Variants in MELK observed in about 807,000 individuals in gnomAD.
MELK encodes the protein pEg3 kinase.
MELK carries 81 observed loss-of-function variants against 85.0 expected under a neutral mutation model. The ratio of observed to expected loss-of-function variants is 0.95; its 90% confidence interval spans 0.80 to 1.15. The LOEUF is 1.15. MELK is among the 50% of genes most tolerant of loss of function. MELK has a pLI of 0.00. For missense variants in MELK, 754 were observed against 777.5 expected (o/e 0.97, Z 0.36); for synonymous variants, 252 against 265.0 (o/e 0.95, Z 0.48).
rs528876742 is a variant in MELK, at chr9:36,631,942, A to G, written c.736-1160A>G. ...CTCCCAAAGTGCTGGGATTACAGGT[A>G]TGAGCCACGGCATCCCGCCTTTTCC... On this transcript the variant is annotated intron_variant, in intron 9 of 17. Transcript: ENST00000298048. Among the ~76,000 whole-genome samples the G allele has an allele frequency of 4.6e-5, 7 of 152,260 alleles. No homozygotes were observed. The East Asian group carries it at 1.2e-3, about 25-fold the overall frequency.
Position 36,643,006 on chromosome 9 carries a change from C to G in MELK, c.844C>G (p.Leu282Val). The change falls in exon 11 of 18, where the codon CTC (leucine) becomes GTC (valine). Residue 282 changes from leucine (L) to valine (V), a missense_variant. Transcript: ENST00000298048. ...EWQSKNPFIH[L>V]DDDCVTELSV... ...TAATTTTTTTTTGTAGTTTATTCACCTCGATGATGATTGCGTAACAGAACT... is the reference window on the plus strand; with the variant it reads ...TAATTTTTTTTTGTAGTTTATTCACGTCGATGATGATTGCGTAACAGAACT... 1 of 1,605,538 alleles carries G rather than the reference C, an allele frequency of 6.2e-7. No individual in the cohort carries two copies. Among genetic ancestry groups the G allele is most frequent in the African/African-American group, 1.3e-5 (1 of 74,474 alleles).
chr9:36,592,454 G>C (rs564127789), intron 4 of MELK, among the ~76,000 whole-genome samples: 1 of 152,218 alleles, frequency 6.6e-6, no homozygotes, highest in Admixed American at 6.5e-5. Flanking sequence ...CGGGATTACA[G>C]GAGTGAGCCA....
intron 11 of MELK, among the ~76,000 whole-genome samples, chr9:36,643,533 T>A (rs187821085): frequency 6.6e-6 from 1 of 152,190 alleles, no homozygotes; most frequent in African/African-American, 2.4e-5. Flanking sequence ...TTAAAAAATA[T>A]TTACATATGA....
At chr9:36,588,475 G>A (rs1302756960) in intron 3 of MELK, among the ~76,000 whole-genome samples, 2 of 149,764 alleles carry the variant, frequency 1.3e-5, no homozygotes, top group East Asian at 2.0e-4. Flanking sequence ...CACCTCCTGG[G>A]TTCAAGCAAT....
At chr9:36,676,171 ATTTT>A in intron 17 of MELK, among the ~76,000 whole-genome samples, 1 of 152,210 alleles carries the variant, frequency 6.6e-6, no homozygotes, top group Admixed American at 6.5e-5. Context: ...TTGACTGCTT[ATTTT>A]TGAGAGATCA....
In MELK at chr9:36,594,683, A is replaced by T; in HGVS notation, c.317A>T (p.Glu106Val). ...ATAATTTCCCAGGATCGCCTGTCAG[A>T]AGAGGAGACCCGGGTTGTCTTCCGT... ...DYIISQDRLS[E>V]EETRVVFRQI... The change falls in exon 5 of 18, where the codon GAA (glutamate) becomes GTA (valine). Residue 106 changes from glutamate (E) to valine (V), a missense_variant. Glu to Val is a moderately radical substitution (Grantham distance 121, BLOSUM62 -2). Coordinates refer to ENST00000298048, the MANE Select transcript of MELK (RefSeq NM_014791.4). 1 of 1,614,114 alleles carries T rather than the reference A, an allele frequency of 6.2e-7. No homozygotes were observed. Among genetic ancestry groups the T allele is most frequent in the Non-Finnish European group, 8.5e-7 (1 of 1,179,986 alleles).
chr9:36,596,952 G>A lies in MELK; in HGVS notation c.406-270G>A, dbSNP rs568877405. ...TAGTCATTTTCAGTTTGTTGTACCC[G>A]GACTTTTTAACAGAAACAACCTTAA... On this transcript the variant is annotated intron_variant, in intron 5 of 17. Transcript: ENST00000298048. 6.6e-5 allele frequency among the ~76,000 whole-genome samples: 10 copies of A among 152,084 alleles called. 1 individual carries two copies. Among genetic ancestry groups the A allele is most frequent in the Admixed American group, 4.6e-4 (7 of 15,272 alleles).
At chr9:36,589,178 T>C (rs1823266117) in intron 3 of MELK, among the ~76,000 whole-genome samples, 1 of 152,050 alleles carries the variant, frequency 6.6e-6, no homozygotes, top group Admixed American at 6.6e-5. Context: ...AAACAGAGTC[T>C]TGCTCTGTTG....
chr9:36,590,980 T>C (rs1189505499), intron 4 of MELK, among the ~76,000 whole-genome samples: 3 of 151,762 alleles, frequency 2.0e-5, no homozygotes, highest in Non-Finnish European at 4.4e-5. Context: ...TCATTCCAGC[T>C]CCTCAGGAGG....
intron 12 of MELK, among the ~76,000 whole-genome samples, chr9:36,655,426 T>C (rs1439368078): frequency 6.7e-6 from 1 of 148,650 alleles, no homozygotes; most frequent in East Asian, 2.0e-4. Flanking sequence ...GCTGGACTTG[T>C]GTTAAAAAAG....
At chr9:36,637,462 C>A (rs7854544) in intron 10 of MELK, among the ~76,000 whole-genome samples, 1 of 152,100 alleles carries the variant, frequency 6.6e-6, no homozygotes, top group Non-Finnish European at 1.5e-5. Context: ...TTGATAACAT[C>A]GTTTTGATTG....
intron 4 of MELK, among the ~76,000 whole-genome samples, chr9:36,591,715 G>A (rs1026734116): frequency 6.6e-6 from 1 of 152,154 alleles, no homozygotes; most frequent in Admixed American, 6.6e-5. Context: ...AAGATCACTT[G>A]AGCTAAGGAG....
chr9:36,627,158 G>T (rs1415862332), intron 8 of MELK, among the ~76,000 whole-genome samples: 1 of 151,812 alleles, frequency 6.6e-6, no homozygotes, highest in African/African-American at 2.4e-5. Flanking sequence ...ACTTGTACCA[G>T]CATTGGGGTT....
intron 10 of MELK, among the ~76,000 whole-genome samples, chr9:36,635,735 C>A (rs985803697): frequency 6.6e-6 from 1 of 151,932 alleles, no homozygotes; most frequent in Non-Finnish European, 1.5e-5. Context: ...ATAAACAACA[C>A]CAAGTGTTAT....
intron 8 of MELK, among the ~76,000 whole-genome samples, chr9:36,619,291 T>A (rs1464696555): frequency 6.6e-6 from 1 of 152,184 alleles, no homozygotes; most frequent in East Asian, 1.9e-4. Context: ...AGTCCCTTGA[T>A]AAGTATAATA....
In MELK at chr9:36,623,239, C is replaced by T. The variant is rs977835833; in HGVS notation, c.667-7060C>T. Among the ~76,000 whole-genome samples, 10 of 152,178 alleles carry T rather than the reference C, an allele frequency of 6.6e-5. No homozygotes were observed. In the East Asian group the frequency reaches 1.9e-3, roughly 29 times the overall value. Reference sequence around the variant, plus strand: ...ATCATCCCCAGTTGAGCACCAGTGCCCTACAATATTGAACAAGTACTTAAT... The same window carrying T: ...ATCATCCCCAGTTGAGCACCAGTGCTCTACAATATTGAACAAGTACTTAAT... On this transcript the variant is annotated intron_variant, in intron 8 of 17. Transcript: ENST00000298048.
At chr9:36,667,918 C>T (rs562154939) in intron 14 of MELK, among the ~76,000 whole-genome samples, 1 of 152,156 alleles carries the variant, frequency 6.6e-6, no homozygotes, top group South Asian at 2.1e-4. Flanking sequence ...CAGGTGCGCA[C>T]CACCATGCCC....
intron 9 of MELK, among the ~76,000 whole-genome samples, chr9:36,631,750 GTTCT>G (rs1828653477): frequency 6.6e-6 from 1 of 151,006 alleles, no homozygotes; most frequent in Non-Finnish European, 1.5e-5. Context: ...AATTTTTTGT[GTTCT>G]TTCTTTAGTT....
In MELK at chr9:36,594,631, T is replaced by C; in HGVS notation, c.265T>C (p.Cys89Arg). The C allele has an allele frequency of 3.7e-6, 6 of 1,612,288 alleles. No homozygotes were observed. The highest frequency in any genetic ancestry group is 5.1e-6 in the Non-Finnish European group (6 of 1,179,490). Reference protein sequence around the residue: ...ANKIFMVLEYCPGGELFDYII... With the variant: ...ANKIFMVLEYRPGGELFDYII... Reference sequence around the variant, plus strand: ...TGTGATTCCATTGCTGTTGAAGTACTGCCCTGGAGGAGAGCTGTTTGACTA... The same window carrying C: ...TGTGATTCCATTGCTGTTGAAGTACCGCCCTGGAGGAGAGCTGTTTGACTA... Residue 89 changes from cysteine to arginine, a missense_variant, in exon 5 of 18, where the codon TGC becomes CGC. By Grantham distance (180) the Cys-to-Arg change is radical. Coordinates refer to ENST00000298048, the MANE Select transcript of MELK (RefSeq NM_014791.4).
Sources: gnomAD v4.1 joint callset for allele counts (sites outside exome capture counted in the v4.1 genomes callset) on GRCh38, gnomAD v4.1.1 for gene constraint, MANE v1.5 for transcripts, NCBI Gene and HGNC (gene_info 2026-07-23, HGNC 2026-07-21) for gene names.